Variants in CLEC16A observed in about 807,000 individuals in gnomAD.
CLEC16A encodes C-type lectin domain containing 16A, also known as protein CLEC16A.
In CLEC16A, 51 loss-of-function variants were observed where a neutral mutation model predicts 109.5. The observed-to-expected ratio is 0.47, with a 90% CI of 0.37 to 0.59. The LOEUF (loss-of-function observed/expected upper bound fraction) is 0.59. Ranked by LOEUF, CLEC16A falls within the 20% of genes least tolerant of loss-of-function variation. The pLI, the probability that CLEC16A is intolerant of heterozygous loss-of-function variation, is 0.00. For missense variants in CLEC16A, 1,339 were observed against 1,394.0 expected, an observed-to-expected ratio of 0.96 and a Z score of 0.63; for synonymous variants, 673 against 564.2, an observed-to-expected ratio of 1.19 and a Z score of -2.73.
chr16:11,014,629 C>G (rs537281614), intron 11 of CLEC16A, among the ~76,000 whole-genome samples: 5 of 152,338 alleles, frequency 3.3e-5, no homozygotes, highest in East Asian at 1.9e-4. Context: ...TTGCTTCAGT[C>G]CCTTCAAACT....
chr16:11,162,454 A>G (rs1268309561), intron 22 of CLEC16A, among the ~76,000 whole-genome samples: 2 of 152,184 alleles, frequency 1.3e-5, no homozygotes, highest in Admixed American at 1.3e-4. Flanking sequence ...GGTTTAAAAT[A>G]AGGTTTACAA....
At chr16:11,140,168 A>G (rs185404883) in intron 22 of CLEC16A, among the ~76,000 whole-genome samples, 3 of 152,262 alleles carry the variant, frequency 2.0e-5, no homozygotes, top group Admixed American at 2.0e-4. Flanking sequence ...GGGGTAACCT[A>G]CGTGCCCCTT....
chr16:10,968,772 A>G (rs2042637353), intron 3 of CLEC16A, among the ~76,000 whole-genome samples: 1 of 152,074 alleles, frequency 6.6e-6, no homozygotes, highest in Non-Finnish European at 1.5e-5. Context: ...TGATGATGTG[A>G]TTTGTGATGG....
At chr16:11,085,011 A>C (rs2049932589) in intron 19 of CLEC16A, among the ~76,000 whole-genome samples, 1 of 152,238 alleles carries the variant, frequency 6.6e-6, no homozygotes, top group Non-Finnish European at 1.5e-5. Flanking sequence ...GATATAAATC[A>C]GCAGCCCTTT....
At chr16:11,135,375 C>T (rs751052448) in intron 22 of CLEC16A, among the ~76,000 whole-genome samples, 1 of 152,206 alleles carries the variant, frequency 6.6e-6, no homozygotes, top group Admixed American at 6.5e-5. Flanking sequence ...CAAGGTTTCC[C>T]CACTCACAAC....
intron 17 of CLEC16A, chr16:11,047,568 A>G: frequency 2.7e-6 from 1 of 377,044 alleles, no homozygotes. Context: ...AATCAGGATG[A>G]TTCTCTGCTA....
intron 22 of CLEC16A, among the ~76,000 whole-genome samples, chr16:11,129,717 T>C (rs1341120869): frequency 6.6e-6 from 1 of 151,464 alleles, no homozygotes; most frequent in Non-Finnish European, 1.5e-5. Flanking sequence ...TCAGATCAGC[T>C]CCTGGCTAGG....
chr16:11,094,089 G>A (rs2050466053), intron 19 of CLEC16A, among the ~76,000 whole-genome samples: 1 of 152,146 alleles, frequency 6.6e-6, no homozygotes, highest in African/African-American at 2.4e-5. Context: ...TGTGGCATTA[G>A]GAAGCAGGAC....
At chr16:11,121,355 T>G (rs544343813) in intron 20 of CLEC16A, among the ~76,000 whole-genome samples, 3 of 152,312 alleles carry the variant, frequency 2.0e-5, no homozygotes, top group African/African-American at 7.2e-5. Flanking sequence ...TCTTACTTCT[T>G]TATGCACTTG....
At chr16:11,149,912 T>C (rs957616134) in intron 22 of CLEC16A, 1 of 152,208 alleles carries the variant, frequency 6.6e-6, no homozygotes, top group Non-Finnish European at 1.5e-5. Context: ...TTGCATTTCA[T>C]ACATGTGCCA....
chr16:10,948,977 C>G (rs1241155706), intron 1 of CLEC16A, among the ~76,000 whole-genome samples: 2 of 152,204 alleles, frequency 1.3e-5, no homozygotes, highest in African/African-American at 4.8e-5. Context: ...CCTGAACTGT[C>G]ACTCTGGCCA....
chr16:10,957,887 T>C lies in CLEC16A; in HGVS notation c.186T>C (p.Asp62=), dbSNP rs1341362160. ...TCACTGAGATCCTGATCTGGGGAGA[T>C]CAAAATGACAGCTCTGTATTTGAGT... ...RSITEILIWG[D]QNDSSVFDFF... Residue 62 remains aspartate, a synonymous_variant, in exon 2 of 24, where the codon GAT becomes GAC. Coordinates refer to ENST00000409790, the MANE Select transcript of CLEC16A (RefSeq NM_015226.3). The C allele has an allele frequency of 2.5e-6, 4 of 1,613,798 alleles. No homozygotes were observed. Among genetic ancestry groups the C allele is most frequent in the African/African-American group, 1.3e-5 (1 of 74,988 alleles).
rs562098664 is a variant in CLEC16A at position 10,961,944 on chromosome 16, T to G, written c.210-511T>G. On this transcript the variant is annotated intron_variant, in intron 2 of 23. Transcript: ENST00000409790. The surrounding 1 kb of genome is among the most constrained non-coding windows in gnomAD (Gnocchi z 4.3). Reference sequence around the variant, plus strand: ...AGAAAACCGTAGGGCTAAAGCTTTTTGGGAACTTTTTTTTCTTTTTTTTCT... The same window carrying G: ...AGAAAACCGTAGGGCTAAAGCTTTTGGGGAACTTTTTTTTCTTTTTTTTCT... 2.0e-5 allele frequency among the ~76,000 whole-genome samples: 3 copies of G among 149,544 alleles called. No homozygotes were observed. The highest frequency in any genetic ancestry group is 4.0e-4 in the East Asian group (2 of 5,026).
intron 10 of CLEC16A, among the ~76,000 whole-genome samples, chr16:10,990,247 G>A (rs992569908): frequency 2.0e-5 from 3 of 152,164 alleles, no homozygotes; most frequent in Non-Finnish European, 2.9e-5. Flanking sequence ...CTGCAGTTAC[G>A]GCTCTGAGGT....
chr16:10,977,572 G>T (rs2043091255), intron 8 of CLEC16A, among the ~76,000 whole-genome samples, 173 bp downstream of exon 8: 1 of 152,146 alleles, frequency 6.6e-6, no homozygotes, highest in Non-Finnish European at 1.5e-5. Flanking sequence ...GGAGTGCAGT[G>T]GTGCGATCTT....
chr16:11,118,488 C>T (rs1439966531), intron 19 of CLEC16A, among the ~76,000 whole-genome samples: 2 of 152,110 alleles, frequency 1.3e-5, no homozygotes, highest in African/African-American at 2.4e-5. Flanking sequence ...ATTGTCATAC[C>T]CTGAGTTGAG....
chr16:11,084,412 A>T (rs973606957), intron 19 of CLEC16A, among the ~76,000 whole-genome samples: 1 of 152,142 alleles, frequency 6.6e-6, no homozygotes, highest in East Asian at 1.9e-4. Context: ...CCCAGGGCCC[A>T]CAGTGTAGCA....
chr16:11,120,985 T>G (rs964758717), intron 20 of CLEC16A, among the ~76,000 whole-genome samples: 1 of 152,202 alleles, frequency 6.6e-6, no homozygotes, highest in African/African-American at 2.4e-5. Context: ...GCTCGATTCT[T>G]ACACCTCCCC....
intron 22 of CLEC16A, among the ~76,000 whole-genome samples, chr16:11,164,542 G>T (rs908332631): frequency 6.6e-6 from 1 of 152,196 alleles, no homozygotes. Context: ...GCAGAGGAGG[G>T]TTAAATCCCA....
Sources: gnomAD v4.1 joint callset for allele counts (sites outside exome capture counted in the v4.1 genomes callset) on GRCh38, gnomAD v4.1.1 for gene constraint, Gnocchi (gnomAD v3.1) non-coding constraint, MANE v1.5 for transcripts, NCBI Gene and HGNC (gene_info 2026-07-23, HGNC 2026-07-21) for gene names.